Variants in CALCR observed in about 807,000 individuals in gnomAD.
The protein encoded by CALCR is calcitonin receptor.
CALCR carries 47 observed loss-of-function variants against 59.5 expected under a neutral mutation model. The observed-to-expected ratio is 0.79, with a 90% confidence interval of 0.63 to 1.01. The LOEUF (loss-of-function observed/expected upper bound fraction) is 1.01, where lower values mean the gene tolerates loss of function less well. CALCR is among the 50% of genes least tolerant of loss of function. CALCR has a pLI of 0.00. For synonymous variants in CALCR, 213 were observed against 211.3 expected, an observed-to-expected ratio of 1.01 and a Z score of -0.07; for missense variants, 566 against 597.1, an observed-to-expected ratio of 0.95 and a Z score of 0.54.
intron 2 of CALCR, among the ~76,000 whole-genome samples, chr7:93,491,046 T>C (rs1222635487): frequency 6.6e-6 from 1 of 152,018 alleles, no homozygotes; most frequent in Non-Finnish European, 1.5e-5. Context: ...ATGGCACTGG[T>C]ACCAAAACAG....
Position 93,448,201 on chromosome 7 carries a change from C to CA in CALCR, c.649-4445dup, listed in dbSNP as rs1384286603. 4.0e-3 allele frequency among the ~76,000 whole-genome samples: 603 copies of CA among 151,950 alleles called. 4 individuals carry two copies. The highest frequency in any genetic ancestry group is 0.014 in the African/African-American group (578 of 41,436). ...AACTCTTAGCTTTCACACACACACA[C>CA]AAAAAACTACTGCAATTTCTCCCTC... On this transcript the variant is annotated intron_variant, in intron 8 of 13. Transcript: ENST00000426151.
chr7:93,540,694 T>C (rs1789109537), intron 2 of CALCR, among the ~76,000 whole-genome samples: 1 of 61,140 alleles, frequency 1.6e-5, no homozygotes, highest in Admixed American at 1.5e-4. Context: ...CTTTATTATA[T>C]TTTATATATT....
At chr7:93,548,073 G>A in intron 2 of CALCR, among the ~76,000 whole-genome samples, 1 of 152,150 alleles carries the variant, frequency 6.6e-6, no homozygotes, top group East Asian at 1.9e-4. Context: ...AGTTTTGAGT[G>A]TCAATTATCG....
chr7:93,449,640 C>T (rs1162772973), intron 8 of CALCR, among the ~76,000 whole-genome samples: 3 of 151,966 alleles, frequency 2.0e-5, no homozygotes, highest in Non-Finnish European at 4.4e-5. Flanking sequence ...CATTTTAACT[C>T]CTAATTCAAT....
intron 2 of CALCR, among the ~76,000 whole-genome samples, chr7:93,493,584 T>A (rs1390250323): frequency 1.3e-5 from 2 of 151,426 alleles, no homozygotes; most frequent in Admixed American, 1.3e-4. Context: ...TCCCTCCAAC[T>A]CGTGTTCTAT....
intron 8 of CALCR, among the ~76,000 whole-genome samples, chr7:93,457,615 T>C (rs1408009145): frequency 6.6e-6 from 1 of 152,190 alleles, no homozygotes; most frequent in Non-Finnish European, 1.5e-5. Flanking sequence ...CCTCATTTCT[T>C]GGCCTGCTCC....
chr7:93,459,962 AC>A (rs1800282333), intron 8 of CALCR, among the ~76,000 whole-genome samples: 1 of 152,138 alleles, frequency 6.6e-6, no homozygotes, highest in South Asian at 2.1e-4. Context: ...TGTTGCCCTA[AC>A]TTTTGCATTT....
intron 2 of CALCR, among the ~76,000 whole-genome samples, chr7:93,513,883 A>T (rs2116056413): frequency 6.6e-6 from 1 of 151,994 alleles, no homozygotes; most frequent in Admixed American, 6.6e-5. Flanking sequence ...TAGATACTTC[A>T]TTTACAAATA....
At chr7:93,553,873 A>G (rs1271999549) in intron 2 of CALCR, among the ~76,000 whole-genome samples, 2 of 152,184 alleles carry the variant, frequency 1.3e-5, no homozygotes, top group African/African-American at 4.8e-5. Flanking sequence ...GTACAAATCC[A>G]TGCTATCCCA....
intron 2 of CALCR, among the ~76,000 whole-genome samples, chr7:93,532,858 A>AAAAAAAAAAAAAAC (rs1404219358): frequency 7.2e-6 from 1 of 138,626 alleles, no homozygotes; most frequent in Non-Finnish European, 1.6e-5. Flanking sequence ...AAAAAAAAAA[A>AAAAAAAAAAAAAAC]AAAAATACTT....
At chr7:93,457,374 A>C (rs966445295) in intron 8 of CALCR, among the ~76,000 whole-genome samples, 15 of 152,150 alleles carry the variant, frequency 9.9e-5, no homozygotes, top group Non-Finnish European at 1.6e-4. Flanking sequence ...TCTATAATTT[A>C]GTAGCAAACT....
At chr7:93,505,911 T>C (rs1801415447) in intron 2 of CALCR, among the ~76,000 whole-genome samples, 1 of 152,104 alleles carries the variant, frequency 6.6e-6, no homozygotes, top group Admixed American at 6.6e-5. Context: ...AAAGACTCTA[T>C]TTGCATAATA....
chr7:93,568,952 A>C (rs1789935652), intron 2 of CALCR, among the ~76,000 whole-genome samples: 1 of 152,152 alleles, frequency 6.6e-6, no homozygotes, highest in African/African-American at 2.4e-5. Flanking sequence ...TTGGTGAATG[A>C]CATCACATCT....
intron 2 of CALCR, among the ~76,000 whole-genome samples, chr7:93,533,131 T>C (rs1788891436): frequency 1.3e-5 from 2 of 152,022 alleles, no homozygotes; most frequent in Non-Finnish European, 2.9e-5. Flanking sequence ...ATAGTTTTGT[T>C]CAACTTCATT....
In CALCR at chr7:93,426,410, C is replaced by T. The variant is rs1321043185; in HGVS notation, c.1371G>A (p.Glu457=). The T allele has an allele frequency of 1.2e-6, 2 of 1,613,940 alleles. No homozygotes were observed. Among genetic ancestry groups the T allele is most frequent in the Admixed American group, 1.7e-5 (1 of 60,024 alleles). Residue 457 remains glutamate, a synonymous_variant, in exon 14 of 14, where the codon GAG becomes GAA. Coordinates refer to ENST00000426151, the MANE Select transcript of CALCR (RefSeq NM_001742.4). Reference sequence around the variant, plus strand: ...TCAAAGGGATGATCTCAGCACTCTCCTCGCCTTGGTTGTTGGCTGGTTCAT... The same window carrying T: ...TCAAAGGGATGATCTCAGCACTCTCTTCGCCTTGGTTGTTGGCTGGTTCAT... ...LRNEPANNQG[E]ESAEIIPLNI...
chr7:93,462,082 A>G, intron 7 of CALCR: 1 of 1,504,594 alleles, frequency 6.6e-7, no homozygotes, highest in Non-Finnish European at 8.9e-7. Context: ...CTATATTTCC[A>G]ATTCAAAGGA....
At chr7:93,522,692 A>G (rs1215323882) in intron 2 of CALCR, among the ~76,000 whole-genome samples, 1 of 152,224 alleles carries the variant, frequency 6.6e-6, no homozygotes, top group Non-Finnish European at 1.5e-5. Flanking sequence ...AAGCCAGTTC[A>G]AGGCACAGGC....
At chr7:93,516,975 T>A (rs754040255) in intron 2 of CALCR, among the ~76,000 whole-genome samples, 10 of 151,816 alleles carry the variant, frequency 6.6e-5, no homozygotes, top group Non-Finnish European at 1.3e-4. Context: ...AAGACAGACT[T>A]GGGTAGGACA....
At position 93,425,301 on chromosome 7, in the gene CALCR, C is replaced by T. The variant is rs1799501683; in HGVS notation, c.*1055G>A. ...AACCACAAGTTGATTTCTAATTAGC[C>T]CTCCTGGATCTTCCTGGAAAAGCCT... is the stretch of plus-strand genomic sequence containing the variant. On this transcript the variant is annotated 3_prime_UTR_variant, in exon 14 of 14. Coordinates refer to ENST00000426151, the MANE Select transcript of CALCR (RefSeq NM_001742.4). 6.6e-6 allele frequency: 1 copy of T among 152,466 alleles called. No individual in the cohort carries two copies. The highest frequency in any genetic ancestry group is 2.4e-5 in the African/African-American group (1 of 41,390). 9.4% of individuals were successfully genotyped at this position (152,466 alleles called of 1,614,324 possible).
Sources: gnomAD v4.1 joint callset for allele counts (sites outside exome capture counted in the v4.1 genomes callset) on GRCh38, gnomAD v4.1.1 for gene constraint, MANE v1.5 for transcripts, NCBI Gene and HGNC (gene_info 2026-07-23, HGNC 2026-07-21) for gene names.